Variants in ADAD1 observed in about 807,000 individuals in gnomAD.
ADAD1 encodes the protein adenosine deaminase domain-containing protein 1.
A neutral mutation model predicts 66.8 loss-of-function variants in ADAD1; 46 were observed. The ratio of observed to expected loss-of-function variants is 0.69; its 90% CI spans 0.54 to 0.88. ADAD1 has a LOEUF of 0.88. Ranked by LOEUF, ADAD1 falls within the 40% of genes least tolerant of loss-of-function variation. The probability of loss-of-function intolerance (pLI) is 0.00; values close to 1 mark genes in which losing one functional copy is unlikely to be tolerated. For synonymous variants in ADAD1, 248 were observed against 229.4 expected (o/e 1.08, Z -0.73); for missense variants, 617 against 681.8 (o/e 0.91, Z 1.06).
At chr4:122,400,759 T>C (rs553927801) in intron 7 of ADAD1, among the ~76,000 whole-genome samples, 34 of 152,284 alleles carry the variant, frequency 2.2e-4, no homozygotes, top group African/African-American at 7.5e-4. Context: ...AATTTATCCA[T>C]CTCTTCTAGA....
At chr4:122,390,312 T>C (rs909804782) in intron 5 of ADAD1, among the ~76,000 whole-genome samples, 1 of 152,206 alleles carries the variant, frequency 6.6e-6, no homozygotes, top group Non-Finnish European at 1.5e-5. Flanking sequence ...ATTTCAGCCT[T>C]GGAGAATCTG....
At chr4:122,419,793 CTCTATA>C (rs1270499425) in intron 11 of ADAD1, among the ~76,000 whole-genome samples, 3 of 152,038 alleles carry the variant, frequency 2.0e-5, no homozygotes, top group Non-Finnish European at 4.4e-5. Flanking sequence ...ATATGTTTAT[CTCTATA>C]AATTCTAAGA....
chr4:122,426,536 A>G (rs1797245291), intron 12 of ADAD1, among the ~76,000 whole-genome samples: 1 of 150,672 alleles, frequency 6.6e-6, no homozygotes, highest in Non-Finnish European at 1.5e-5. Flanking sequence ...ACAAGAAATG[A>G]AAACTACAAA....
chr4:122,400,519 A>T (rs1795925011), intron 7 of ADAD1, among the ~76,000 whole-genome samples: 1 of 152,128 alleles, frequency 6.6e-6, no homozygotes, highest in Non-Finnish European at 1.5e-5. Context: ...CTGGCTTCAT[A>T]GAATGTTTTA....
chr4:122,425,101 A>C (rs1489598520), intron 12 of ADAD1, among the ~76,000 whole-genome samples: 1 of 152,136 alleles, frequency 6.6e-6, no homozygotes, highest in Non-Finnish European at 1.5e-5. Flanking sequence ...CAATTCAGCA[A>C]CTGTAGTTGG....
chr4:122,409,619 A>G (rs1271860029), intron 8 of ADAD1, among the ~76,000 whole-genome samples: 1 of 152,178 alleles, frequency 6.6e-6, no homozygotes. Flanking sequence ...ACTAGATCTT[A>G]TTCATTTTGG....
chr4:122,394,443 A>G (rs78977934), intron 6 of ADAD1, among the ~76,000 whole-genome samples: 1 of 152,272 alleles, frequency 6.6e-6, no homozygotes, highest in African/African-American at 2.4e-5. Context: ...TTTATTTTCC[A>G]TTTTCAGGCC....
At chr4:122,408,167 A>T (rs958631981) in intron 8 of ADAD1, 136 bp downstream of exon 8, 2 of 898,660 alleles carry the variant, frequency 2.2e-6, no homozygotes, top group Admixed American at 6.3e-5. Flanking sequence ...TATCTAAGTC[A>T]TCGGATTAAT....
At chr4:122,410,960 G>T (rs1201383967) in intron 8 of ADAD1, among the ~76,000 whole-genome samples, 1 of 152,154 alleles carries the variant, frequency 6.6e-6, no homozygotes, top group Non-Finnish European at 1.5e-5. Flanking sequence ...ATAGTTGGGA[G>T]ACTCTAATGT....
chr4:122,413,829 C>T lies in ADAD1; in HGVS notation c.1249+1020C>T, dbSNP rs371499262. Among the ~76,000 whole-genome samples, 47 of 134,920 alleles carry T rather than the reference C, an allele frequency of 3.5e-4. No individual in the cohort carries two copies. The South Asian group carries it at 0.011, about 32-fold the overall frequency. The allele number at this position is 134,920 out of a possible 152,430, so 88.5% of individuals were successfully genotyped here. On this transcript the variant is annotated intron_variant, in intron 10 of 12. Transcript: ENST00000296513. ...TTCAAACCCAGTTTTCATAACTTTT[C>T]ACGCTGCTGCTTATGATAGATCATA...
intron 7 of ADAD1, among the ~76,000 whole-genome samples, chr4:122,407,428 T>A (rs1199297936): frequency 6.6e-6 from 1 of 152,122 alleles, no homozygotes; most frequent in Non-Finnish European, 1.5e-5. Flanking sequence ...GGTTTTTTTG[T>A]TTGTTTGTTT....
chr4:122,409,766 C>T lies in ADAD1; in HGVS notation c.849-1456C>T, dbSNP rs145251168. Among the ~76,000 whole-genome samples, 847 of 152,248 alleles carry T rather than the reference C, an allele frequency of 5.6e-3. 7 individuals are homozygous for T. The highest frequency in any genetic ancestry group is 0.02 in the African/African-American group (822 of 41,536). On this transcript the variant is annotated intron_variant, in intron 8 of 12. Coordinates refer to ENST00000296513, the MANE Select transcript of ADAD1 (RefSeq NM_139243.4). The stretch of plus-strand genomic sequence containing the variant: ...CCAGGCTGGAGTGCAATGGCGAGAT[C>T]TCCACTCACTGCAACCTCCGCCTCC...
chr4:122,396,282 C>CACAGATCGTTAAAGAAAGATTTA lies in ADAD1; in HGVS notation c.631_653dup (p.Gln219ArgfsTer10), dbSNP rs766195015. On this transcript the variant is annotated frameshift_variant, in exon 7 of 13. Transcript: ENST00000296513. LOFTEE classifies it high-confidence loss of function. ...AGACATATTCAATATGCAAAGATTT[C>CACAGATCGTTAAAGAAAGATTTA]ACAGATCGTTAAAGAAAGATTTAAT... 1.3e-6 allele frequency: 2 copies of CACAGATCGTTAAAGAAAGATTTA among 1,596,174 alleles called. No homozygotes were observed. Among genetic ancestry groups the CACAGATCGTTAAAGAAAGATTTA allele is most frequent in the Non-Finnish European group, 1.7e-6 (2 of 1,173,008 alleles).
At chr4:122,418,836 A>G (rs1043493555) in intron 11 of ADAD1, among the ~76,000 whole-genome samples, 4 of 152,214 alleles carry the variant, frequency 2.6e-5, no homozygotes, top group African/African-American at 9.7e-5. Context: ...ATGAGATACT[A>G]TCTCACACCA....
chr4:122,408,345 G>A (rs943624925), intron 8 of ADAD1, among the ~76,000 whole-genome samples: 26 of 152,120 alleles, frequency 1.7e-4, no homozygotes, highest in African/African-American at 5.8e-4. Context: ...CACAAATCTC[G>A]GCTTACTGCA....
At chr4:122,408,396 C>A (rs1796315186) in intron 8 of ADAD1, among the ~76,000 whole-genome samples, 1 of 152,220 alleles carries the variant, frequency 6.6e-6, no homozygotes, top group Non-Finnish European at 1.5e-5. Flanking sequence ...TTGTCTCAAC[C>A]TCCCAAATAG....
Position 122,395,421 on chromosome 4 carries a change from G to A in ADAD1, c.599-831G>A, listed in dbSNP as rs191422540. On this transcript the variant is annotated intron_variant, in intron 6 of 12. Transcript: ENST00000296513. ...AATGAGGCCGGGCGCGGTGGCTCAC[G>A]CCTATGATCCCAGCACTTTGTGAGG... Among the ~76,000 whole-genome samples the A allele has an allele frequency of 2.2e-3, 331 of 152,130 alleles. 1 individual carries two copies. Among genetic ancestry groups the A allele is most frequent in the African/African-American group, 7.6e-3 (315 of 41,536 alleles).
intron 12 of ADAD1, among the ~76,000 whole-genome samples, chr4:122,423,201 T>C (rs1428722218): frequency 1.3e-5 from 2 of 152,238 alleles, no homozygotes; most frequent in East Asian, 3.9e-4. Context: ...GACAGGGGAA[T>C]GAAAGTTTGC....
intron 5 of ADAD1, among the ~76,000 whole-genome samples, chr4:122,384,994 T>G (rs1334628660): frequency 6.6e-6 from 1 of 152,170 alleles, no homozygotes; most frequent in Non-Finnish European, 1.5e-5. Flanking sequence ...GAAAAAATAA[T>G]AAGGTCATCT....
Sources: allele counts gnomAD v4.1 joint callset (sites outside exome capture counted in the v4.1 genomes callset), GRCh38; gene constraint gnomAD v4.1.1; transcripts MANE v1.5; gene names NCBI Gene and HGNC (gene_info 2026-07-23, HGNC 2026-07-21).